Variants in DCAF13 observed in about 807,000 individuals in gnomAD.
DCAF13 encodes the protein DDB1 and CUL4 associated factor 13, also known as DDB1- and CUL4-associated factor 13.
A neutral mutation model predicts 59.0 loss-of-function variants in DCAF13; 38 were observed. The observed-to-expected ratio is 0.64, with a 90% CI of 0.50 to 0.84. DCAF13 has a LOEUF of 0.84. DCAF13 is among the 40% of genes least tolerant of loss of function. The pLI is 0.00. For missense variants in DCAF13, 469 were observed against 558.4 expected, an observed-to-expected ratio of 0.84 and a Z score of 1.61; for synonymous variants, 173 against 175.0, an observed-to-expected ratio of 0.99 and a Z score of 0.09.
At chr8:103,432,079 C>T (rs1342796916) in intron 6 of DCAF13, among the ~76,000 whole-genome samples, 3 of 152,120 alleles carry the variant, frequency 2.0e-5, no homozygotes, top group Admixed American at 1.3e-4. Context: ...TTTCTTTTAT[C>T]CTTTCTCTCA....
chr8:103,442,582 G>C (rs1374416909), intron 10 of DCAF13: 1 of 356,876 alleles, frequency 2.8e-6, no homozygotes. Flanking sequence ...TTTAAACTTA[G>C]TAAAGGACCC....
At position 103,420,964 on chromosome 8, in the gene DCAF13, C is replaced by A. The variant is rs752299153; in HGVS notation, c.271-11C>A. ...TAGTTCACTGAAATTTCCTGGTATG[C>A]CTTATCATAGGTTAGAATTTGGAAT... On this transcript the variant is annotated splice_polypyrimidine_tract_variant and intron_variant, in intron 2 of 10. Transcript: ENST00000612750. 15 of 1,528,850 alleles carry A rather than the reference C, an allele frequency of 9.8e-6. No individual in the cohort carries two copies. In the Admixed American group the frequency reaches 2.2e-4, roughly 22 times the overall value. The allele number at this position is 1,528,850 out of a possible 1,614,324, so 94.7% of individuals were successfully genotyped here.
At chr8:103,433,439 T>A (rs1816892099) in intron 7 of DCAF13, among the ~76,000 whole-genome samples, 1 of 152,104 alleles carries the variant, frequency 6.6e-6, no homozygotes, top group African/African-American at 2.4e-5. Context: ...TATCTTTTTT[T>A]TTCCCAAAGC....
At chr8:103,433,976 G>A (rs779984350) in intron 7 of DCAF13, among the ~76,000 whole-genome samples, 24 of 151,992 alleles carry the variant, frequency 1.6e-4, no homozygotes, top group African/African-American at 4.3e-4. Flanking sequence ...GCAAGGTACC[G>A]TTTTTCAGAG....
In DCAF13 at chr8:103,420,462, A is replaced by C. The variant is rs1290017881; in HGVS notation, c.269A>C (p.Glu90Ala). 6.2e-7 allele frequency: 1 copy of C among 1,612,568 alleles called. No individual in the cohort carries two copies. The highest frequency in any genetic ancestry group is 1.3e-5 in the African/African-American group (1 of 74,912). ...ATVLSGACDGEVRIWNLTQRN... is the reference protein window; with the variant it reads ...ATVLSGACDGAVRIWNLTQRN... ...GTCCTTTCTGGGGCGTGTGATGGAG[A>C]GGCAAGTGTCAATCTAGATGATATT... Residue 90 changes from glutamate to alanine, a missense_variant and splice_region_variant, in exon 2 of 11, where the codon GAG becomes GCG. Glu to Ala is a moderately radical substitution (Grantham distance 107). Transcript: ENST00000612750.
chr8:103,426,682 TTTATA>T (rs1816796071), intron 4 of DCAF13, among the ~76,000 whole-genome samples: 1 of 152,174 alleles, frequency 6.6e-6, no homozygotes, highest in South Asian at 2.1e-4. Flanking sequence ...TGTTTACATT[TTTATA>T]TTAAGCAAAC....
At chr8:103,439,565 T>C (rs568493154) in intron 8 of DCAF13, 1 of 152,156 alleles carries the variant, frequency 6.6e-6, no homozygotes, top group South Asian at 2.1e-4. Flanking sequence ...ACTTTTGTAA[T>C]TTTAGTAGAG....
chr8:103,430,816 A>G, intron 6 of DCAF13, 127 bp downstream of exon 6: 1 of 592,044 alleles, frequency 1.7e-6, no homozygotes, highest in Non-Finnish European at 2.9e-6. Flanking sequence ...AGGTGTTCTT[A>G]GAACTCTACA....
chr8:103,419,908 C>T (rs1422036342), intron 1 of DCAF13, among the ~76,000 whole-genome samples: 3 of 151,370 alleles, frequency 2.0e-5, no homozygotes, highest in African/African-American at 7.3e-5. Context: ...ACTCGGGTGG[C>T]TGAGGCAGGA....
chr8:103,427,284 T>C lies in DCAF13; in HGVS notation c.624+32T>C, dbSNP rs571814921. 38 of 1,559,998 alleles carry C rather than the reference T, an allele frequency of 2.4e-5. No homozygotes were observed. In the South Asian group the frequency reaches 3.3e-4, roughly 14 times the overall value. ...TTTTTTTTTAAGTATGTTTTACTTATTATGGCTTAATAATTTCAGTTCTGT... is the reference window on the plus strand; with the variant it reads ...TTTTTTTTTAAGTATGTTTTACTTACTATGGCTTAATAATTTCAGTTCTGT... On this transcript the variant is annotated intron_variant, in intron 5 of 10. Coordinates refer to ENST00000612750, the MANE Select transcript of DCAF13 (RefSeq NM_015420.7).
Position 103,442,948 on chromosome 8 carries a change from A to G in DCAF13, c.*66A>G. The stretch of plus-strand genomic sequence containing the variant: ...TTTTGATTTGAGAACTCTACAAATA[A>G]AAGTGCTGGGACTAGATTAATTGCA... On this transcript the variant is annotated 3_prime_UTR_variant, in exon 11 of 11. Coordinates refer to ENST00000612750, the MANE Select transcript of DCAF13 (RefSeq NM_015420.7). 8.6e-7 allele frequency: 1 copy of G among 1,162,302 alleles called. No individual in the cohort carries two copies. Among genetic ancestry groups the G allele is most frequent in the Non-Finnish European group, 1.2e-6 (1 of 811,600 alleles). 72.0% of individuals were successfully genotyped at this position (1,162,302 alleles called of 1,614,324 possible). A position where few individuals can be genotyped will look rare whatever the true frequency, so the allele number is the denominator to read the frequency against.
chr8:103,428,542 C>T (rs764896429), intron 5 of DCAF13: 3 of 152,142 alleles, frequency 2.0e-5, no homozygotes, highest in Non-Finnish European at 2.9e-5. Flanking sequence ...CTTTCTCACT[C>T]CATCCTCCAT....
chr8:103,435,148 T>A (rs1271947916), intron 7 of DCAF13, among the ~76,000 whole-genome samples: 2 of 152,130 alleles, frequency 1.3e-5, no homozygotes, highest in African/African-American at 4.8e-5. Context: ...AACTTATATA[T>A]ACAGCCATTA....
chr8:103,440,354 G>A, intron 9 of DCAF13, 83 bp downstream of exon 9: 1 of 1,227,014 alleles, frequency 8.1e-7, no homozygotes, highest in South Asian at 1.8e-5. Flanking sequence ...TTACTTTTAG[G>A]TATTTTTGGG....
At chr8:103,415,632 T>G in intron 1 of DCAF13, 116 bp downstream of exon 1, 1 of 1,023,004 alleles carries the variant, frequency 9.8e-7, no homozygotes, top group South Asian at 1.7e-5. Flanking sequence ...CTTTCTCAGT[T>G]ACCTTTCGCT....
chr8:103,442,807 T>C lies in DCAF13; in HGVS notation c.1263T>C (p.Arg421=). The change falls in exon 11 of 11, where the codon CGT becomes CGC. Residue 421 remains arginine (R), a synonymous_variant. Coordinates refer to ENST00000612750, the MANE Select transcript of DCAF13 (RefSeq NM_015420.7). ...ATTTTATTTCTAGGGAAGTGAATCG[T>C]ATTAAACACAGCAAGCCTGGATCTG... ...KEARRRKEVN[R]IKHSKPGSVP... 1 of 1,598,976 alleles carries C rather than the reference T, an allele frequency of 6.3e-7. No homozygotes were observed. The highest frequency in any genetic ancestry group is 8.5e-7 in the Non-Finnish European group (1 of 1,174,200).
chr8:103,420,142 T>G, intron 1 of DCAF13, 122 bp from the exon 2 acceptor site: 1 of 850,264 alleles, frequency 1.2e-6, no homozygotes, highest in Admixed American at 2.8e-5. Flanking sequence ...TTTTGTATTC[T>G]TAGTGTTAGG....
At chr8:103,421,184 T>C (rs1586126699) in intron 3 of DCAF13, 102 bp downstream of exon 3, 2 of 832,740 alleles carry the variant, frequency 2.4e-6, no homozygotes, top group Non-Finnish European at 4.0e-6. Flanking sequence ...TCCTAGGCCC[T>C]TTTGGAGTTT....
chr8:103,425,576 T>C (rs1816776996), intron 3 of DCAF13, among the ~76,000 whole-genome samples: 1 of 152,214 alleles, frequency 6.6e-6, no homozygotes, highest in South Asian at 2.1e-4. Flanking sequence ...GTTTCTGCAG[T>C]TCATGCAGAA....
Sources: gnomAD v4.1 joint callset for allele counts (sites outside exome capture counted in the v4.1 genomes callset) on GRCh38, gnomAD v4.1.1 for gene constraint, MANE v1.5 for transcripts, NCBI Gene and HGNC (gene_info 2026-07-23, HGNC 2026-07-21) for gene names.